SDK1: variants seen among roughly 807,000 people sequenced by gnomAD.
SDK1 encodes sidekick cell adhesion molecule 1.
SDK1 carries 157 observed loss-of-function variants against 245.5 expected under a neutral mutation model. The ratio of observed to expected loss-of-function variants is 0.64; its 90% CI spans 0.56 to 0.73. The LOEUF (loss-of-function observed/expected upper bound fraction) is 0.73. Among genes scored for constraint, SDK1 ranks in the 30% least tolerant of loss-of-function variants. The pLI is 0.00. For missense variants in SDK1, 3,583 were observed against 3,002.3 expected (o/e 1.19, Z -4.52); for synonymous variants, 1,647 against 1,278.5 (o/e 1.29, Z -6.15).
At chr7:3,495,866 C>T (rs1782010176) in intron 1 of SDK1, among the ~76,000 whole-genome samples, 1 of 152,212 alleles carries the variant, frequency 6.6e-6, no homozygotes, top group East Asian at 1.9e-4. Flanking sequence ...AGAGAGATGC[C>T]AGCGGTCTCC....
Position 3,580,291 on chromosome 7 carries a change from A to C in SDK1, c.299-38789A>C, listed in dbSNP as rs577363168. Among the ~76,000 whole-genome samples the C allele has an allele frequency of 2.0e-5, 3 of 152,340 alleles. No homozygotes were observed. In the South Asian group the frequency reaches 6.2e-4, roughly 32 times the overall value. ...ATTCTTCACAAAACTGGAAATAACT[A>C]TTTTAAAATTCACATGGAACCAAAA... On this transcript the variant is annotated intron_variant, in intron 1 of 44. Transcript: ENST00000404826.
intron 1 of SDK1, among the ~76,000 whole-genome samples, chr7:3,571,449 C>G (rs539161541): frequency 6.6e-6 from 1 of 151,846 alleles, no homozygotes; most frequent in Non-Finnish European, 1.5e-5. Flanking sequence ...ACTACAGGCC[C>G]GTACCACCAT....
chr7:4,076,114 C>G (rs1399273280), intron 20 of SDK1, among the ~76,000 whole-genome samples: 1 of 152,192 alleles, frequency 6.6e-6, no homozygotes, highest in Non-Finnish European at 1.5e-5. Context: ...AACTCACACA[C>G]TCAGGTGAAA....
intron 1 of SDK1, among the ~76,000 whole-genome samples, chr7:3,387,465 C>G (rs1349632357): frequency 6.6e-6 from 1 of 152,190 alleles, no homozygotes; most frequent in Non-Finnish European, 1.5e-5. Context: ...TCAGATCCTT[C>G]TAAAACTGTC....
At chr7:3,449,863 G>A (rs1780457843) in intron 1 of SDK1, among the ~76,000 whole-genome samples, 2 of 152,154 alleles carry the variant, frequency 1.3e-5, no homozygotes, top group African/African-American at 4.8e-5. Context: ...TAGCTTAGGA[G>A]CTAGTGGACA....
chr7:3,902,571 G>T (rs1316296310), intron 5 of SDK1, among the ~76,000 whole-genome samples: 1 of 151,870 alleles, frequency 6.6e-6, no homozygotes, highest in African/African-American at 2.4e-5. Context: ...TTACCTATTT[G>T]ATGTATAGCT....
intron 5 of SDK1, among the ~76,000 whole-genome samples, chr7:3,905,696 C>T (rs1378708883): frequency 6.6e-6 from 1 of 151,908 alleles, no homozygotes; most frequent in Non-Finnish European, 1.5e-5. Context: ...CACAATCACT[C>T]ACTGTAACCC....
intron 1 of SDK1, among the ~76,000 whole-genome samples, chr7:3,361,823 T>G (rs1780961096): frequency 6.6e-6 from 1 of 152,234 alleles, no homozygotes; most frequent in African/African-American, 2.4e-5. Flanking sequence ...CGGTGAATTT[T>G]CCAAGATGGT....
At chr7:4,219,092 C>T (rs1399397148) in intron 38 of SDK1, among the ~76,000 whole-genome samples, 2 of 152,158 alleles carry the variant, frequency 1.3e-5, no homozygotes, top group African/African-American at 2.4e-5. Flanking sequence ...GGTTTGAGGA[C>T]GTTTGTCTCT....
intron 5 of SDK1, among the ~76,000 whole-genome samples, chr7:3,866,896 C>G (rs952870717): frequency 1.3e-5 from 2 of 152,134 alleles, no homozygotes; most frequent in African/African-American, 2.4e-5. Flanking sequence ...GCTGGACTGC[C>G]GAGAGAACAC....
At chr7:3,799,760 G>C (rs1045607463) in intron 4 of SDK1, among the ~76,000 whole-genome samples, 12 of 150,604 alleles carry the variant, frequency 8.0e-5, no homozygotes, top group Non-Finnish European at 1.8e-4. Context: ...TACTGGGCTC[G>C]TGACTTCTCT....
intron 19 of SDK1, among the ~76,000 whole-genome samples, chr7:4,059,589 G>A (rs1418538018): frequency 6.6e-6 from 1 of 152,136 alleles, no homozygotes; most frequent in Non-Finnish European, 1.5e-5. Flanking sequence ...TAGACTAAAT[G>A]GACCTAACAG....
In SDK1 at chr7:3,580,985, AAAAAAAAAACCAAAAC is replaced by A. The variant is rs1385622607; in HGVS notation, c.299-38090_299-38075del. Among the ~76,000 whole-genome samples the A allele has an allele frequency of 5.7e-5, 8 of 139,668 alleles. 1 individual carries two copies. The South Asian group carries it at 1.3e-3, about 23-fold the overall frequency. 91.6% of individuals were successfully genotyped at this position (139,668 alleles called of 152,430 possible). A position where few individuals can be genotyped will look rare whatever the true frequency, so the allele number is the denominator to read the frequency against. ...CTCCATCTCAAAAAAAAAAAAAAAA[AAAAAAAAAACCAAAAC>A]AAAACCCTGGAAGACAATCTATGCA... On this transcript the variant is annotated intron_variant, in intron 1 of 44. Transcript: ENST00000404826.
intron 4 of SDK1, among the ~76,000 whole-genome samples, chr7:3,816,326 C>T (rs921587902): frequency 2.0e-5 from 3 of 150,262 alleles, no homozygotes; most frequent in Admixed American, 1.3e-4. Flanking sequence ...TTGAAAGGAT[C>T]AACAAAATTG....
intron 1 of SDK1, among the ~76,000 whole-genome samples, chr7:3,452,272 G>T (rs971114293): frequency 6.6e-6 from 1 of 152,136 alleles, no homozygotes; most frequent in Non-Finnish European, 1.5e-5. Context: ...AGATACCCCA[G>T]ATTCTTAGGT....
At position 4,130,265 on chromosome 7, in the gene SDK1, G is replaced by T. The variant is rs139730206; in HGVS notation, c.4129+168G>T. On this transcript the variant is annotated intron_variant, in intron 27 of 44. Coordinates refer to ENST00000404826, the MANE Select transcript of SDK1 (RefSeq NM_152744.4). ...TTTTCAGTCACTGAGCACTTATATG[G>T]CCAATTTCAGCCTGGAGTGGATTTT... 822 of 675,722 alleles carry T rather than the reference G, an allele frequency of 1.2e-3. 8 individuals are homozygous for T. The African/African-American group carries it at 0.013, about 11-fold the overall frequency. 41.9% of individuals were successfully genotyped at this position (675,722 alleles called of 1,614,324 possible).
At chr7:3,603,851 C>A (rs530919065) in intron 1 of SDK1, among the ~76,000 whole-genome samples, 3 of 152,066 alleles carry the variant, frequency 2.0e-5, no homozygotes, top group Admixed American at 6.6e-5. Flanking sequence ...TTTTGAGATA[C>A]GTCCCATCAA....
At chr7:3,567,154 G>GT (rs1048869383) in intron 1 of SDK1, among the ~76,000 whole-genome samples, 2 of 152,168 alleles carry the variant, frequency 1.3e-5, no homozygotes, top group African/African-American at 2.4e-5. Context: ...ACATTGTTAG[G>GT]TTTTTTAAAA....
At chr7:3,392,535 T>C (rs2128570677) in intron 1 of SDK1, among the ~76,000 whole-genome samples, 1 of 152,306 alleles carries the variant, frequency 6.6e-6, no homozygotes, top group Non-Finnish European at 1.5e-5. Flanking sequence ...CAGTGTTGTA[T>C]GGCCATCACC....
Sources: allele counts gnomAD v4.1 joint callset (sites outside exome capture counted in the v4.1 genomes callset), GRCh38; gene constraint gnomAD v4.1.1; transcripts MANE v1.5; gene names NCBI Gene and HGNC (gene_info 2026-07-23, HGNC 2026-07-21).